Variants in SUGCT observed in about 807,000 individuals in gnomAD.
SUGCT encodes succinyl-CoA:glutarate-CoA transferase.
In SUGCT, 41 loss-of-function variants were observed where a neutral mutation model predicts 55.0. The ratio of observed to expected loss-of-function variants is 0.74; its 90% CI spans 0.58 to 0.97. The LOEUF (loss-of-function observed/expected upper bound fraction) is 0.97. SUGCT is among the 50% of genes least tolerant of loss of function. SUGCT has a pLI of 0.00. For synonymous variants in SUGCT, 187 were observed against 200.4 expected (o/e 0.93, Z 0.56); for missense variants, 568 against 547.8 (o/e 1.04, Z -0.37).
At chr7:40,607,907 C>T (rs1011322618) in intron 12 of SUGCT, among the ~76,000 whole-genome samples, 1 of 152,220 alleles carries the variant, frequency 6.6e-6, no homozygotes, top group Non-Finnish European at 1.5e-5. Context: ...TACTGCTGCT[C>T]ACATTCTTAA....
chr7:40,182,902 C>T (rs1386979355), intron 3 of SUGCT, among the ~76,000 whole-genome samples: 1 of 151,940 alleles, frequency 6.6e-6, no homozygotes, highest in African/African-American at 2.4e-5. Flanking sequence ...CAAGGGAAGG[C>T]CAGGAGAAAG....
chr7:40,486,974 C>T (rs1033578376), intron 11 of SUGCT, among the ~76,000 whole-genome samples: 1 of 151,474 alleles, frequency 6.6e-6, no homozygotes, highest in Non-Finnish European at 1.5e-5. Context: ...TGTTCAGGAG[C>T]ATGTTGTTTT....
chr7:40,172,370 A>G (rs1380820803), intron 1 of SUGCT, among the ~76,000 whole-genome samples: 1 of 152,102 alleles, frequency 6.6e-6, no homozygotes, highest in East Asian at 1.9e-4. Context: ...CAAGAGCTAT[A>G]TATTGGGAGG....
At chr7:40,656,627 T>A (rs759861745) in intron 12 of SUGCT, among the ~76,000 whole-genome samples, 1 of 152,228 alleles carries the variant, frequency 6.6e-6, no homozygotes, top group Non-Finnish European at 1.5e-5. Flanking sequence ...TCTTAAAACC[T>A]ACTCCTCTCT....
At chr7:40,462,173 G>A (rs1003753964) in intron 11 of SUGCT, among the ~76,000 whole-genome samples, 2 of 152,158 alleles carry the variant, frequency 1.3e-5, no homozygotes, top group Non-Finnish European at 2.9e-5. Context: ...CATTTAGTCT[G>A]GTCACAGAGG....
At chr7:40,153,529 A>G (rs535914018) in intron 1 of SUGCT, 6 of 428,936 alleles carry the variant, frequency 1.4e-5, no homozygotes, top group Non-Finnish European at 2.3e-5. Context: ...ACTCTTTTGT[A>G]CCTATCAACA....
chr7:40,246,032 T>C (rs1010753845), intron 7 of SUGCT, among the ~76,000 whole-genome samples: 1 of 151,712 alleles, frequency 6.6e-6, no homozygotes, highest in Non-Finnish European at 1.5e-5. Context: ...ATGGGGTCTC[T>C]CCATGATGCC....
chr7:40,160,417 C>T (rs199987806), intron 1 of SUGCT, among the ~76,000 whole-genome samples: 40 of 152,058 alleles, frequency 2.6e-4, no homozygotes, highest in East Asian at 5.8e-4. Flanking sequence ...TTAGTAGAGA[C>T]GGAGTTTCAC....
chr7:40,625,724 C>G (rs532400346), intron 12 of SUGCT, among the ~76,000 whole-genome samples: 1 of 152,094 alleles, frequency 6.6e-6, no homozygotes, highest in Non-Finnish European at 1.5e-5. Context: ...ATCCCCCAGC[C>G]CCTGCAACAT....
At chr7:40,244,703 G>A (rs1039694426) in intron 7 of SUGCT, among the ~76,000 whole-genome samples, 1 of 152,100 alleles carries the variant, frequency 6.6e-6, no homozygotes, top group Non-Finnish European at 1.5e-5. Flanking sequence ...GCTGTCAAAA[G>A]GCACCGTATT....
chr7:40,646,301 A>G (rs1584199023), intron 12 of SUGCT, among the ~76,000 whole-genome samples: 1 of 151,912 alleles, frequency 6.6e-6, no homozygotes, highest in East Asian at 1.9e-4. Context: ...TTCCACTTCT[A>G]CCCTTTTCTA....
chr7:40,409,017 A>G (rs909209688), intron 9 of SUGCT, among the ~76,000 whole-genome samples: 1 of 152,068 alleles, frequency 6.6e-6, no homozygotes, highest in Admixed American at 6.6e-5. Flanking sequence ...GCTGTGGTGC[A>G]GTCATGGCTC....
At chr7:40,987,960 G>C in the SUGCT span, among the ~76,000 whole-genome samples, 1 of 152,064 alleles carries the variant, frequency 6.6e-6, no homozygotes, top group Admixed American at 6.6e-5. Flanking sequence ...CTCTCTGTGT[G>C]TGTCTCTCTC....
At chr7:40,999,364 T>C in the SUGCT span, among the ~76,000 whole-genome samples, 5 of 152,268 alleles carry the variant, frequency 3.3e-5, no homozygotes, top group African/African-American at 1.2e-4. Context: ...TCATGCCTGG[T>C]ACATCGATGG....
At chr7:40,729,979 G>A (rs1786809879) in intron 12 of SUGCT, among the ~76,000 whole-genome samples, 2 of 152,164 alleles carry the variant, frequency 1.3e-5, no homozygotes. Context: ...CACTGTGCAA[G>A]CCAGGGAAAA....
chr7:40,235,478 C>T (rs1788961388), intron 6 of SUGCT, among the ~76,000 whole-genome samples: 1 of 152,130 alleles, frequency 6.6e-6, no homozygotes, highest in African/African-American at 2.4e-5. Flanking sequence ...GGGCATGCAC[C>T]ACCACGCCTG....
intron 1 of SUGCT, among the ~76,000 whole-genome samples, chr7:40,162,741 G>T (rs1784239462): frequency 6.6e-6 from 1 of 152,160 alleles, no homozygotes. Context: ...TCCCACCTTG[G>T]CCTTCCAAAT....
intron 3 of SUGCT, among the ~76,000 whole-genome samples, chr7:40,184,871 T>G (rs1425605464): frequency 1.3e-5 from 2 of 152,214 alleles, no homozygotes; most frequent in Non-Finnish European, 1.5e-5. Flanking sequence ...TCCTTCTTTT[T>G]TAAAAAATTT....
the SUGCT span, among the ~76,000 whole-genome samples, chr7:40,914,514 A>G: frequency 6.6e-6 from 1 of 152,086 alleles, no homozygotes; most frequent in Non-Finnish European, 1.5e-5. Context: ...TCAGATTTAA[A>G]AACTTTACCA....
Sources: gnomAD v4.1 joint callset for allele counts (sites outside exome capture counted in the v4.1 genomes callset) on GRCh38, gnomAD v4.1.1 for gene constraint, MANE v1.5 for transcripts, NCBI Gene and HGNC (gene_info 2026-07-23, HGNC 2026-07-21) for gene names.